PLCB4: variants seen among roughly 807,000 people sequenced by gnomAD.
PLCB4 encodes phospholipase C beta 4.
A neutral mutation model predicts 178.8 loss-of-function variants in PLCB4; 77 were observed. The observed-to-expected ratio is 0.43, with a 90% CI of 0.36 to 0.52. PLCB4 has a LOEUF of 0.52. Among genes scored for constraint, PLCB4 ranks in the 20% least tolerant of loss-of-function variants. The probability of loss-of-function intolerance (pLI) is 0.00; values close to 1 mark genes in which losing one functional copy is unlikely to be tolerated. For missense variants in PLCB4, 1,024 were observed against 1,453.4 expected, an observed-to-expected ratio of 0.70 and a Z score of 4.80; for synonymous variants, 496 against 490.8, an observed-to-expected ratio of 1.01 and a Z score of -0.14.
chr20:9,322,182 C>T (rs1335752974), intron 4 of PLCB4, among the ~76,000 whole-genome samples: 1 of 135,686 alleles, frequency 7.4e-6, no homozygotes. Context: ...AGGTCTTGAA[C>T]TACTGGGCTC....
chr20:9,129,667 G>A (rs906675506), intron 2 of PLCB4, among the ~76,000 whole-genome samples: 8 of 152,092 alleles, frequency 5.3e-5, no homozygotes, highest in Non-Finnish European at 2.9e-5. Context: ...TTCTTAGTTG[G>A]GGGTACATCT....
At chr20:9,163,638 A>G (rs182081262) in intron 2 of PLCB4, among the ~76,000 whole-genome samples, 28 of 152,074 alleles carry the variant, frequency 1.8e-4, no homozygotes, top group African/African-American at 6.7e-4. Context: ...TTATGCTTAT[A>G]GATTTATTCA....
At chr20:9,290,871 TA>T (rs1283379988) in intron 3 of PLCB4, among the ~76,000 whole-genome samples, 2 of 152,112 alleles carry the variant, frequency 1.3e-5, no homozygotes, top group African/African-American at 4.8e-5. Flanking sequence ...ATCACAGAGA[TA>T]AAACTAATAT....
intron 2 of PLCB4, among the ~76,000 whole-genome samples, chr20:9,158,710 T>C (rs900433073): frequency 6.6e-6 from 1 of 152,174 alleles, no homozygotes; most frequent in Admixed American, 6.5e-5. Flanking sequence ...CCATTTAGTG[T>C]TATTCAATCC....
intron 28 of PLCB4, among the ~76,000 whole-genome samples, chr20:9,431,250 T>C (rs919340727): frequency 6.6e-6 from 1 of 152,066 alleles, no homozygotes; most frequent in Non-Finnish European, 1.5e-5. Flanking sequence ...CATGGCCTTC[T>C]TCCCTGTGAC....
At chr20:9,253,006 GTC>G (rs2094197647) in intron 3 of PLCB4, among the ~76,000 whole-genome samples, 1 of 152,178 alleles carries the variant, frequency 6.6e-6, no homozygotes, top group African/African-American at 2.4e-5. Context: ...GAGCCAATCA[GTC>G]TCTTGTAATA....
At chr20:9,454,565 A>G (rs2042950127) in intron 33 of PLCB4, among the ~76,000 whole-genome samples, 1 of 152,136 alleles carries the variant, frequency 6.6e-6, no homozygotes, top group Admixed American at 6.5e-5. Flanking sequence ...GTTTTTTGGC[A>G]TTTGGTTTTT....
chr20:9,225,572 T>G (rs1021041470), intron 3 of PLCB4, among the ~76,000 whole-genome samples: 3 of 152,202 alleles, frequency 2.0e-5, no homozygotes, highest in Non-Finnish European at 4.4e-5. Flanking sequence ...ATTACGGTTG[T>G]TTTTCTGTGT....
rs578167297 is a variant in PLCB4, at chr20:9,160,019, C to T, written c.-78-57371C>T. On this transcript the variant is annotated intron_variant, in intron 2 of 39. Coordinates refer to ENST00000378473, the MANE Select transcript of PLCB4 (RefSeq NM_001377142.1). ...CCATACTACAGGAAGACAAGCTGAA[C>T]GTCCCTCCACACTAAAGCTGCCACA... Among the ~76,000 whole-genome samples, 8 of 152,284 alleles carry T rather than the reference C, an allele frequency of 5.3e-5. No homozygotes were observed. The East Asian group carries it at 1.4e-3, about 26-fold the overall frequency.
chr20:9,337,889 T>A, intron 5 of PLCB4, 119 bp from the exon 6 acceptor site: 1 of 651,524 alleles, frequency 1.5e-6, no homozygotes, highest in Non-Finnish European at 2.8e-6. Context: ...TAATTCCCTC[T>A]TCAAGCTGAC....
At chr20:9,212,453 C>G (rs1169227328) in intron 2 of PLCB4, among the ~76,000 whole-genome samples, 3 of 152,196 alleles carry the variant, frequency 2.0e-5, no homozygotes, top group Non-Finnish European at 4.4e-5. Context: ...TATAGATTCA[C>G]TAAAACAGGC....
At chr20:9,345,471 A>T (rs141197044) in intron 7 of PLCB4, among the ~76,000 whole-genome samples, 1 of 152,340 alleles carries the variant, frequency 6.6e-6, no homozygotes, top group African/African-American at 2.4e-5. Flanking sequence ...GATGTCTTTC[A>T]TTAATAAGTT....
At chr20:9,115,933 AGTAAT>A (rs2091763984) in intron 2 of PLCB4, among the ~76,000 whole-genome samples, 1 of 152,054 alleles carries the variant, frequency 6.6e-6, no homozygotes, top group South Asian at 2.1e-4. Flanking sequence ...ACCATTTTAA[AGTAAT>A]GTAACAGGAA....
intron 1 of PLCB4, among the ~76,000 whole-genome samples, chr20:9,088,536 A>G (rs1038381013): frequency 6.6e-6 from 1 of 152,226 alleles, no homozygotes; most frequent in Admixed American, 6.5e-5. Flanking sequence ...CTACCTTCAC[A>G]GTAATGAGAA....
intron 2 of PLCB4, among the ~76,000 whole-genome samples, chr20:9,123,649 A>G (rs2092031244): frequency 6.6e-6 from 1 of 152,006 alleles, no homozygotes; most frequent in Admixed American, 6.6e-5. Context: ...ACCATGAACA[A>G]TTTGGTGATT....
At chr20:9,381,829 G>A (rs1006740331) in intron 13 of PLCB4, among the ~76,000 whole-genome samples, 2 of 152,094 alleles carry the variant, frequency 1.3e-5, no homozygotes, top group African/African-American at 4.8e-5. Context: ...TCACTTCTAG[G>A]TATGTACCCT....
intron 2 of PLCB4, among the ~76,000 whole-genome samples, chr20:9,211,651 A>T (rs961725629): frequency 2.7e-5 from 4 of 149,800 alleles, no homozygotes; most frequent in African/African-American, 7.6e-5. Context: ...TAAAAAGAAA[A>T]TACAACCATG....
intron 2 of PLCB4, among the ~76,000 whole-genome samples, chr20:9,197,314 C>A (rs1341785638): frequency 6.6e-6 from 1 of 152,154 alleles, no homozygotes; most frequent in African/African-American, 2.4e-5. Flanking sequence ...ATATGGGCAC[C>A]ACTTGCTGCA....
At chr20:9,119,906 A>G (rs1403402989) in intron 2 of PLCB4, among the ~76,000 whole-genome samples, 1 of 152,220 alleles carries the variant, frequency 6.6e-6, no homozygotes, top group Non-Finnish European at 1.5e-5. Context: ...AGCATATGAC[A>G]GCCTATTAGG....
Sources: allele counts gnomAD v4.1 joint callset (sites outside exome capture counted in the v4.1 genomes callset), GRCh38; gene constraint gnomAD v4.1.1; transcripts MANE v1.5; gene names NCBI Gene and HGNC (gene_info 2026-07-23, HGNC 2026-07-21).